The following CA5A variants were observed in gnomAD, a reference collection of about 807,000 sequenced individuals.
The protein encoded by CA5A is carbonic anhydrase 5A, also known as carbonic anhydrase 5A, mitochondrial.
Under a neutral mutation model 37.1 loss-of-function variants are expected in CA5A, and 28 were observed. The observed-to-expected ratio is 0.75, with a 90% CI of 0.56 to 1.03. The LOEUF (loss-of-function observed/expected upper bound fraction) is 1.03, where lower values mean the gene tolerates loss of function less well. Ranked by LOEUF, CA5A falls within the 50% of genes least tolerant of loss-of-function variation. The pLI is 0.00. For synonymous variants in CA5A, 171 were observed against 158.4 expected (o/e 1.08, Z -0.60); for missense variants, 444 against 399.9 (o/e 1.11, Z -0.94).
intron 1 of CA5A, among the ~76,000 whole-genome samples, chr16:87,932,017 G>C (rs1049564337): frequency 6.6e-6 from 1 of 152,220 alleles, no homozygotes; most frequent in Non-Finnish European, 1.5e-5. Context: ...GGGAGGCTGA[G>C]GCAGGAGAAT....
intron 2 of CA5A, among the ~76,000 whole-genome samples, chr16:87,906,604 G>A (rs563358134): frequency 1.3e-5 from 2 of 152,226 alleles, no homozygotes; most frequent in East Asian, 3.9e-4. Flanking sequence ...TCCAGACTGG[G>A]CGACGGAGTG....
At chr16:87,905,188 C>T (rs2055942360) in intron 2 of CA5A, among the ~76,000 whole-genome samples, 1 of 152,142 alleles carries the variant, frequency 6.6e-6, no homozygotes, top group Admixed American at 6.5e-5. Context: ...CCTCAACTCC[C>T]TGCAGGCAGA....
chr16:87,921,738 C>T (rs953103068), intron 2 of CA5A, among the ~76,000 whole-genome samples: 1 of 152,214 alleles, frequency 6.6e-6, no homozygotes, highest in South Asian at 2.1e-4. Flanking sequence ...CTTACAAAGC[C>T]ACGGACTGGC....
At chr16:87,912,799 C>T (rs1480242953) in intron 2 of CA5A, among the ~76,000 whole-genome samples, 2 of 152,160 alleles carry the variant, frequency 1.3e-5, no homozygotes, top group Admixed American at 6.5e-5. Context: ...AAGATAATGG[C>T]GGCTCCAGGC....
In CA5A at chr16:87,888,104, T is replaced by A; in HGVS notation, c.*25A>T. ...CGCTTCCTTCCTTCAAAGTCAGTTC[T>A]GCTATTCATGTGGACCTAATGTCTC... On this transcript the variant is annotated 3_prime_UTR_variant, in exon 7 of 7. Transcript: ENST00000649794. 6.4e-7 allele frequency: 1 copy of A among 1,567,520 alleles called. No homozygotes were observed.
chr16:87,935,038 G>GA (rs1401356611), intron 1 of CA5A, among the ~76,000 whole-genome samples: 1 of 152,248 alleles, frequency 6.6e-6, no homozygotes, highest in Non-Finnish European at 1.5e-5. Flanking sequence ...GCCCTGGAGA[G>GA]AAAGTCTGGC....
chr16:87,926,036 A>T (rs1392498500), intron 2 of CA5A, among the ~76,000 whole-genome samples: 1 of 152,190 alleles, frequency 6.6e-6, no homozygotes, highest in East Asian at 1.9e-4. Context: ...CAGCCTGGCC[A>T]ACATGGCGAC....
At chr16:87,897,829 C>T (rs1004555859) in intron 5 of CA5A, among the ~76,000 whole-genome samples, 5 of 152,160 alleles carry the variant, frequency 3.3e-5, no homozygotes, top group Non-Finnish European at 5.9e-5. Context: ...GGCCCTGCCC[C>T]GTGGAGTGAT....
intron 2 of CA5A, among the ~76,000 whole-genome samples, chr16:87,920,541 C>T (rs1597577808): frequency 6.6e-6 from 1 of 152,024 alleles, no homozygotes; most frequent in Non-Finnish European, 1.5e-5. Flanking sequence ...AACTCCTGAC[C>T]TCAGATGATC....
intron 2 of CA5A, among the ~76,000 whole-genome samples, chr16:87,905,281 T>C (rs559714364): frequency 6.6e-6 from 1 of 152,344 alleles, no homozygotes; most frequent in African/African-American, 2.4e-5. Flanking sequence ...GTCTTCCAAA[T>C]ATTTTTTAAA....
intron 2 of CA5A, chr16:87,924,368 C>G (rs993220969): frequency 3.1e-6 from 3 of 958,746 alleles, no homozygotes; most frequent in Middle Eastern, 5.3e-4. Context: ...CTGGAAGGAC[C>G]AAGCCGTGGT....
chr16:87,891,786 G>A lies in CA5A; in HGVS notation c.774+13C>T, dbSNP rs764961081. The A allele has an allele frequency of 6.0e-6, 9 of 1,489,186 alleles. No homozygotes were observed. Among genetic ancestry groups the A allele is most frequent in the African/African-American group, 1.5e-5 (1 of 68,344 alleles). The allele number at this position is 1,489,186 out of a possible 1,614,324, so 92.2% of individuals were successfully genotyped here. A position where few individuals can be genotyped will look rare whatever the true frequency, so the allele number is the denominator to read the frequency against. On this transcript the variant is annotated intron_variant, in intron 6 of 6. Coordinates refer to ENST00000649794, the MANE Select transcript of CA5A (RefSeq NM_001739.2). Reference sequence around the variant, plus strand: ...CATGAAGCGCCATCGTGCCAGTTACGGGCACGGCTCACCTGGCTTGGGGCC... The same window carrying A: ...CATGAAGCGCCATCGTGCCAGTTACAGGCACGGCTCACCTGGCTTGGGGCC...
chr16:87,890,032 T>A (rs1032882575), intron 6 of CA5A, among the ~76,000 whole-genome samples: 11 of 152,158 alleles, frequency 7.2e-5, no homozygotes, highest in Admixed American at 3.9e-4. Context: ...GGTCTGCACA[T>A]TTGTTGACTG....
chr16:87,929,897 TAAGTA>T (rs1298138497), intron 1 of CA5A, among the ~76,000 whole-genome samples: 1 of 77,162 alleles, frequency 1.3e-5, no homozygotes, highest in African/African-American at 5.0e-5. Flanking sequence ...AAAAAAAAAA[TAAGTA>T]AACCATCAGA....
rs1488349300 is a variant in CA5A at position 87,936,293 on chromosome 16, T to C, written c.142+16A>G. The C allele has an allele frequency of 6.3e-7, 1 of 1,594,108 alleles. No individual in the cohort carries two copies. The highest frequency in any genetic ancestry group is 8.6e-7 in the Non-Finnish European group (1 of 1,162,444). ...AGGATCCAGTCGCATCTTAGGAAAT[T>C]TGAGGCTCTACTTACAAGTGTTATT... is the stretch of plus-strand genomic sequence containing the variant. On this transcript the variant is annotated intron_variant, in intron 1 of 6. Transcript: ENST00000649794.
chr16:87,893,782 A>G (rs944550192), intron 5 of CA5A: 1 of 388,414 alleles, frequency 2.6e-6, no homozygotes, highest in Non-Finnish European at 5.0e-6. Flanking sequence ...CACAGCCAAA[A>G]AACAAAAAGA....
chr16:87,901,599 T>G (rs902138841), intron 5 of CA5A, among the ~76,000 whole-genome samples: 11 of 152,034 alleles, frequency 7.2e-5, no homozygotes, highest in Non-Finnish European at 1.5e-4. Flanking sequence ...TTTCTTTTTT[T>G]TTTTTTGAGA....
chr16:87,902,011 C>T (rs2055885685), intron 4 of CA5A, 37 bp from the exon 5 acceptor site: 2 of 1,584,414 alleles, frequency 1.3e-6, no homozygotes, highest in Admixed American at 1.7e-5. Context: ...GCTGCAAAGG[C>T]AGTGGATGGG....
chr16:87,899,717 T>G (rs1444913201), intron 5 of CA5A, among the ~76,000 whole-genome samples: 2 of 149,552 alleles, frequency 1.3e-5, no homozygotes, highest in Non-Finnish European at 3.0e-5. Context: ...GTCAGGAGTT[T>G]GACACCAGCC....
Sources: allele counts gnomAD v4.1 joint callset (sites outside exome capture counted in the v4.1 genomes callset), GRCh38; gene constraint gnomAD v4.1.1; transcripts MANE v1.5; gene names NCBI Gene and HGNC (gene_info 2026-07-23, HGNC 2026-07-21).